The following SORBS3 variants were observed in gnomAD, a reference collection of about 807,000 sequenced individuals.
SORBS3 encodes sorbin and SH3 domain containing 3, also known as vinexin.
Under a neutral mutation model 98.0 loss-of-function variants are expected in SORBS3, and 69 were observed. That is an observed-to-expected ratio of 0.70 (90% CI 0.58 to 0.86). SORBS3 has a LOEUF of 0.86. Ranked by LOEUF, SORBS3 falls within the 40% of genes least tolerant of loss-of-function variation. SORBS3 has a pLI of 0.00. For synonymous variants in SORBS3, 394 were observed against 355.4 expected, an observed-to-expected ratio of 1.11 and a Z score of -1.22; for missense variants, 954 against 908.5, an observed-to-expected ratio of 1.05 and a Z score of -0.64.
chr8:22,558,757 G>A (rs992382221), intron 5 of SORBS3, among the ~76,000 whole-genome samples: 2 of 152,234 alleles, frequency 1.3e-5, no homozygotes, highest in Admixed American at 1.3e-4. Context: ...CTGGGAGAGT[G>A]CCCCATGCAG....
intron 10 of SORBS3, chr8:22,564,911 GA>G: frequency 4.7e-6 from 6 of 1,288,226 alleles, no homozygotes; most frequent in Non-Finnish European, 5.9e-6. Context: ...GGGGAACCTG[GA>G]TGGGCACAGT....
intron 5 of SORBS3, among the ~76,000 whole-genome samples, chr8:22,558,628 GC>G (rs1840232929): frequency 6.6e-6 from 1 of 152,254 alleles, no homozygotes; most frequent in Non-Finnish European, 1.5e-5. Flanking sequence ...CATCTATTGA[GC>G]ATGTACCACA....
chr8:22,571,727 A>T lies in SORBS3; in HGVS notation c.1753A>T (p.Thr585Ser). ...EPRPQTQNLG[T>S]PGPALSHSRG... ...TCCTGTCAACTCCCAGAATCTTGGC[A>T]CCCCTGGTCCAGCTCTGTCCCACTC... The change falls in exon 19 of 21, where the codon ACC becomes TCC. Residue 585 changes from threonine (T) to serine (S), a missense_variant. By Grantham distance (58) the Thr-to-Ser change is moderately conservative. Coordinates refer to ENST00000240123, the MANE Select transcript of SORBS3 (RefSeq NM_005775.5). 1 of 1,613,028 alleles carries T rather than the reference A, an allele frequency of 6.2e-7. No homozygotes were observed. Among genetic ancestry groups the T allele is most frequent in the Non-Finnish European group, 8.5e-7 (1 of 1,179,524 alleles).
At chr8:22,561,969 G>T in intron 7 of SORBS3, 38 bp downstream of exon 7, 1 of 1,596,498 alleles carries the variant, frequency 6.3e-7, no homozygotes, top group Non-Finnish European at 8.6e-7. Context: ...CTGCGGAGGG[G>T]CGCGGCCCGC....
At chr8:22,567,259 C>T (rs1334719095) in intron 16 of SORBS3, 84 bp downstream of exon 16, 7 of 1,006,236 alleles carry the variant, frequency 7.0e-6, no homozygotes, top group Non-Finnish European at 9.0e-6. Context: ...CTTGGGTTTC[C>T]TAAAGCAAAA....
intron 12 of SORBS3, 77 bp downstream of exon 12, chr8:22,565,949 C>T (rs996954481): frequency 1.0e-6 from 1 of 1,003,250 alleles, no homozygotes. Context: ...CCGGGCGGGG[C>T]GGACGGGGGC....
chr8:22,556,677 C>T (rs368199792), intron 3 of SORBS3, 38 bp from the exon 4 acceptor site: 2 of 1,595,330 alleles, frequency 1.3e-6, no homozygotes, highest in Non-Finnish European at 1.7e-6. Context: ...GTGGAGACCC[C>T]TGCCTTTCAC....
intron 7 of SORBS3, among the ~76,000 whole-genome samples, chr8:22,562,316 C>T (rs1840314411): frequency 6.6e-6 from 1 of 152,176 alleles, no homozygotes; most frequent in Non-Finnish European, 1.5e-5. Flanking sequence ...CTGGCGCTGT[C>T]CACTTTGAAA....
intron 20 of SORBS3, chr8:22,573,538 C>A: frequency 2.4e-6 from 1 of 410,744 alleles, no homozygotes; most frequent in Non-Finnish European, 4.9e-6. Context: ...CCACAGGTGG[C>A]GAGTGGTGCC....
At chr8:22,565,399 AG>A in intron 11 of SORBS3, 45 bp downstream of exon 11, 2 of 1,475,070 alleles carry the variant, frequency 1.4e-6, no homozygotes, top group East Asian at 2.7e-5. Context: ...CGGCGACCGC[AG>A]GGTCGGGGCG....
upstream of SORBS3, chr8:22,549,839 A>G: frequency 3.4e-6 from 1 of 292,536 alleles, no homozygotes; most frequent in Non-Finnish European, 5.1e-6. Context: ...TTTGTGAGAA[A>G]CAGGAAGTGG....
upstream of SORBS3, chr8:22,551,807 C>T: frequency 1.0e-6 from 1 of 985,988 alleles, no homozygotes; most frequent in Non-Finnish European, 1.2e-6. This position sits in a 1 kb window ranked among gnomAD's most constrained non-coding sequence, Gnocchi z 5.8. Flanking sequence ...GCGCGACTCT[C>T]ACGGTCCGGC....
upstream of SORBS3, among the ~76,000 whole-genome samples, chr8:22,551,369 T>C (rs2117197868): frequency 6.6e-6 from 1 of 150,922 alleles, no homozygotes; most frequent in South Asian, 2.2e-4. This position sits in a 1 kb window ranked among gnomAD's most constrained non-coding sequence, Gnocchi z 5.8. Flanking sequence ...CGGGGCGCCC[T>C]CATCTCGCTC....
At position 22,569,170 on chromosome 8, in the gene SORBS3, C is replaced by G. The variant is rs375288718; in HGVS notation, c.1328C>G (p.Pro443Arg). 2 of 1,610,648 alleles carry G rather than the reference C, an allele frequency of 1.2e-6. No homozygotes were observed. Among genetic ancestry groups the G allele is most frequent in the African/African-American group, 2.7e-5 (2 of 74,694 alleles). The part of the protein sequence containing the change: ...YVEVLPADEI[P>R]KPIKPPTYQV... ...CAGGTGCTGCCCGCAGATGAGATCCCTAAGCCCATCAAGCCCCCGACCTAC... is the reference window on the plus strand; with the variant it reads ...CAGGTGCTGCCCGCAGATGAGATCCGTAAGCCCATCAAGCCCCCGACCTAC... The change falls in exon 17 of 21, where the codon CCT (proline) becomes CGT (arginine). Residue 443 changes from proline (P) to arginine (R), a missense_variant. Transcript: ENST00000240123.
At chr8:22,550,072 G>A (rs1044227056), upstream of SORBS3, 13 of 957,126 alleles carry the variant, frequency 1.4e-5, no homozygotes, top group Admixed American at 6.2e-5. Flanking sequence ...GGAAAAATGC[G>A]TGTCTAAGAA....
Position 22,575,223 on chromosome 8 carries a change from G to C in SORBS3, c.*495G>C, listed in dbSNP as rs931367460. On this transcript the variant is annotated 3_prime_UTR_variant, in exon 21 of 21. Transcript: ENST00000240123. ...TGCCTTCTGGCCTCCAGCTGGGTGT[G>C]GGGGGGCGGAGCAAGGCGGGGGACA... 6.3e-6 allele frequency: 2 copies of C among 317,096 alleles called. No individual in the cohort carries two copies. Among genetic ancestry groups the C allele is most frequent in the South Asian group, 2.5e-5 (1 of 39,644 alleles). The allele number at this position is 317,096 out of a possible 1,614,324, so 19.6% of individuals were successfully genotyped here.
intron 20 of SORBS3, chr8:22,573,393 G>A (rs573836942): frequency 3.5e-5 from 16 of 456,322 alleles, no homozygotes; most frequent in Middle Eastern, 3.3e-4. Context: ...AGCGCTTTGA[G>A]AGGAATGGGC....
chr8:22,571,153 G>C lies in SORBS3; in HGVS notation c.1675G>C (p.Gly559Arg), dbSNP rs141875840. 56 of 1,594,150 alleles carry C rather than the reference G, an allele frequency of 3.5e-5. 1 individual carries two copies. The Middle Eastern group carries it at 5.0e-4, about 14-fold the overall frequency. Residue 559 changes from glycine to arginine, a missense_variant, in exon 18 of 21, where the codon GGG becomes CGG. Gly to Arg is a moderately radical substitution (Grantham distance 125). Coordinates refer to ENST00000240123, the MANE Select transcript of SORBS3 (RefSeq NM_005775.5). ...LRSPADPIDLGGQTSPRRTGF... is the reference protein window; with the variant it reads ...LRSPADPIDLRGQTSPRRTGF... ...CAGCCCAGCTGACCCCATCGACTTG[G>C]GGGGACAGACCTCCCCCCGTCGCAC... is the stretch of plus-strand genomic sequence containing the variant.
intron 17 of SORBS3, among the ~76,000 whole-genome samples, chr8:22,570,677 C>T (rs146716358): frequency 3.3e-3 from 499 of 152,248 alleles, no homozygotes; most frequent in African/African-American, 8.5e-3. Flanking sequence ...GATGCACACC[C>T]GTTGAGCTTC....
Sources: allele counts gnomAD v4.1 joint callset (sites outside exome capture counted in the v4.1 genomes callset), GRCh38; gene constraint gnomAD v4.1.1; non-coding constraint Gnocchi (gnomAD v3.1); transcripts MANE v1.5; gene names NCBI Gene and HGNC (gene_info 2026-07-23, HGNC 2026-07-21).